The following ITGB5 variants were observed in gnomAD, a reference collection of about 807,000 sequenced individuals.
The protein encoded by ITGB5 is integrin beta-5.
ITGB5 carries 38 observed loss-of-function variants against 84.8 expected under a neutral mutation model. That is an observed-to-expected ratio of 0.45 (90% CI 0.35 to 0.59). The LOEUF (loss-of-function observed/expected upper bound fraction) is 0.59, where lower values mean the gene tolerates loss of function less well. Among genes scored for constraint, ITGB5 ranks in the 20% least tolerant of loss-of-function variants. The pLI, the probability that ITGB5 is intolerant of heterozygous loss-of-function variation, is 0.01. For missense variants in ITGB5, 905 were observed against 1,034.5 expected (o/e 0.87, Z 1.72); for synonymous variants, 393 against 414.4 (o/e 0.95, Z 0.63).
At chr3:124,801,854 C>T (rs971596565) in intron 9 of ITGB5, among the ~76,000 whole-genome samples, 3 of 152,270 alleles carry the variant, frequency 2.0e-5, no homozygotes, top group African/African-American at 7.2e-5. Flanking sequence ...CCTCCCCAGC[C>T]CACTCCTCTT....
chr3:124,830,677 T>A (rs972161902), intron 5 of ITGB5, among the ~76,000 whole-genome samples: 2 of 152,126 alleles, frequency 1.3e-5, no homozygotes, highest in Non-Finnish European at 2.9e-5. Context: ...GCTAAGCAGC[T>A]CTCCTTGATA....
chr3:124,811,165 C>G (rs2064495647), intron 8 of ITGB5, among the ~76,000 whole-genome samples: 1 of 152,160 alleles, frequency 6.6e-6, no homozygotes, highest in Non-Finnish European at 1.5e-5. Context: ...ACTCAATACA[C>G]AGAGCACTCT....
At chr3:124,883,054 CA>C (rs1934649530) in intron 1 of ITGB5, among the ~76,000 whole-genome samples, 1 of 152,208 alleles carries the variant, frequency 6.6e-6, no homozygotes, top group Non-Finnish European at 1.5e-5. Flanking sequence ...GTCAGTTCTC[CA>C]AGGCCCTCGG....
intron 2 of ITGB5, chr3:124,862,934 C>G (rs944699998): frequency 2.0e-5 from 3 of 152,220 alleles, no homozygotes; most frequent in African/African-American, 7.2e-5. Context: ...GTTGCACTGA[C>G]TTCGGAAGCA....
intron 8 of ITGB5, 130 bp from the exon 9 acceptor site, chr3:124,809,286 G>GAACCA: frequency 4.2e-6 from 4 of 949,874 alleles, no homozygotes; most frequent in Non-Finnish European, 4.8e-6. Context: ...AAGAGCCAGT[G>GAACCA]AGCTTGGTTC....
chr3:124,823,626 T>C (rs1006555377), intron 5 of ITGB5, among the ~76,000 whole-genome samples: 8 of 148,868 alleles, frequency 5.4e-5, no homozygotes, highest in Admixed American at 2.0e-4. Flanking sequence ...ATAGTATATA[T>C]ATAAACTATA....
chr3:124,766,243 G>C lies in ITGB5; in HGVS notation c.2120C>G (p.Thr707Ser), dbSNP rs772664033. The change falls in exon 13 of 15, where the codon ACC becomes AGC. Residue 707 changes from threonine to serine, a missense_variant. By Grantham distance (58) the Thr-to-Ser change is moderately conservative (BLOSUM62 1). Coordinates refer to ENST00000296181, the MANE Select transcript of ITGB5 (RefSeq NM_002213.5). ...VELPSGKSNL[T>S]VLREPECGNT... ...TCACCTACCTGGCTCCCTGAGGACG[G>C]TCAGGTTGGACTTCCCACTGGGGAG... is the stretch of plus-strand genomic sequence containing the variant. 3.8e-5 allele frequency: 61 copies of C among 1,613,888 alleles called. 1 individual carries two copies. The South Asian group carries it at 6.0e-4, about 16-fold the overall frequency.
intron 8 of ITGB5, among the ~76,000 whole-genome samples, chr3:124,816,265 C>G (rs2064591238): frequency 6.6e-6 from 1 of 152,216 alleles, no homozygotes; most frequent in South Asian, 2.1e-4. Flanking sequence ...TACTTTGCAA[C>G]TCAAAACAGG....
chr3:124,770,316 C>G (rs1486364594), intron 11 of ITGB5: 1 of 152,426 alleles, frequency 6.6e-6, no homozygotes, highest in African/African-American at 2.4e-5. Flanking sequence ...CGGGTCAGGA[C>G]TCAAGAGCCA....
intron 8 of ITGB5, among the ~76,000 whole-genome samples, chr3:124,813,709 A>G (rs1012439784): frequency 6.6e-6 from 1 of 152,096 alleles, no homozygotes; most frequent in African/African-American, 2.4e-5. Context: ...CTCTGGTGCC[A>G]CTCTCCAGGA....
chr3:124,867,741 C>T (rs919298300), intron 2 of ITGB5, among the ~76,000 whole-genome samples: 1 of 152,222 alleles, frequency 6.6e-6, no homozygotes, highest in Non-Finnish European at 1.5e-5. Context: ...GCACACTCTC[C>T]TCCAGGCACA....
chr3:124,819,288 T>C (rs2064660377), intron 7 of ITGB5, among the ~76,000 whole-genome samples: 1 of 152,182 alleles, frequency 6.6e-6, no homozygotes, highest in African/African-American at 2.4e-5. Flanking sequence ...AGGACATTTA[T>C]TGGTTTCTTT....
At chr3:124,767,950 T>A (rs373253025) in intron 12 of ITGB5, among the ~76,000 whole-genome samples, 2 of 152,212 alleles carry the variant, frequency 1.3e-5, no homozygotes, top group African/African-American at 4.8e-5. Context: ...ATGCCTGTGG[T>A]CCCAGCTACT....
intron 3 of ITGB5, among the ~76,000 whole-genome samples, chr3:124,857,055 C>T (rs1277293419): frequency 2.6e-5 from 4 of 152,224 alleles, no homozygotes; most frequent in Admixed American, 2.6e-4. Flanking sequence ...TTAAGCTTCT[C>T]TATCCAGCAG....
At chr3:124,894,943 C>G (rs376281022) in intron 1 of ITGB5, among the ~76,000 whole-genome samples, 10 of 152,152 alleles carry the variant, frequency 6.6e-5, no homozygotes, top group Admixed American at 4.6e-4. Flanking sequence ...CCCCTCCCCC[C>G]CAAATCTTAC....
At chr3:124,794,509 A>G (rs2107512018) in intron 10 of ITGB5, among the ~76,000 whole-genome samples, 1 of 152,308 alleles carries the variant, frequency 6.6e-6, no homozygotes. Flanking sequence ...GGCTGGGCGC[A>G]GTGGCTCACA....
rs769140041 is a variant in ITGB5, at chr3:124,819,854, C to T, written c.943-20G>A. The T allele has an allele frequency of 1.3e-6, 2 of 1,555,316 alleles. No homozygotes were observed. The highest frequency in any genetic ancestry group is 8.9e-7 in the Non-Finnish European group (1 of 1,126,378). ...ATAGTCCTAGGGCCAAGGCAAAAGTCAAGGCTATGACATTCCTAACAGGTG... is the reference window on the plus strand; with the variant it reads ...ATAGTCCTAGGGCCAAGGCAAAAGTTAAGGCTATGACATTCCTAACAGGTG... On this transcript the variant is annotated intron_variant, in intron 6 of 14. Transcript: ENST00000296181.
At chr3:124,773,202 C>T (rs914714241) in intron 11 of ITGB5, among the ~76,000 whole-genome samples, 17 of 152,144 alleles carry the variant, frequency 1.1e-4, no homozygotes, top group Admixed American at 5.9e-4. Context: ...CCACCATGCC[C>T]GGCCTCTTTC....
At chr3:124,828,575 T>A (rs1232163080) in intron 5 of ITGB5, among the ~76,000 whole-genome samples, 1 of 152,182 alleles carries the variant, frequency 6.6e-6, no homozygotes, top group Non-Finnish European at 1.5e-5. Context: ...GGGTGAAGGA[T>A]ATGTTTGTTA....
Sources: gnomAD v4.1 joint callset for allele counts (sites outside exome capture counted in the v4.1 genomes callset) on GRCh38, gnomAD v4.1.1 for gene constraint, MANE v1.5 for transcripts, NCBI Gene and HGNC (gene_info 2026-07-23, HGNC 2026-07-21) for gene names.